B3GALNT2: variants seen among roughly 807,000 people sequenced by gnomAD.
B3GALNT2 encodes UDP-GalNAc:beta-1,3-N-acetylgalactosaminyltransferase 2.
B3GALNT2 carries 53 observed loss-of-function variants against 61.1 expected under a neutral mutation model. The observed-to-expected ratio is 0.87, with a 90% CI of 0.70 to 1.09. The LOEUF is 1.09. Ranked by LOEUF, B3GALNT2 falls within the 50% of genes least tolerant of loss-of-function variation. B3GALNT2 has a pLI of 0.00. For synonymous variants in B3GALNT2, 223 were observed against 237.4 expected (o/e 0.94, Z 0.56); for missense variants, 544 against 623.0 (o/e 0.87, Z 1.35).
the B3GALNT2 span, among the ~76,000 whole-genome samples, chr1:235,440,250 G>T: frequency 2.0e-5 from 3 of 152,142 alleles, no homozygotes; most frequent in East Asian, 1.9e-4. Flanking sequence ...GATTACAGGC[G>T]TGAGCCACCG....
At position 235,448,214 on chromosome 1, in the gene B3GALNT2, C is replaced by T; in HGVS notation, c.*1992G>A. On this transcript the variant is annotated 3_prime_UTR_variant, in exon 12 of 12. Transcript: ENST00000366600. ...GACTTACTTAAGTAAGTAAGTAAGT[C>T]AGTCTCAAAAAAAAAAAAAAAAAAA... The T allele has an allele frequency of 1.5e-6, 1 of 686,074 alleles. No individual in the cohort carries two copies. The highest frequency in any genetic ancestry group is 1.6e-5 in the South Asian group (1 of 62,772). 42.5% of individuals were successfully genotyped at this position (686,074 alleles called of 1,614,324 possible).
At chr1:235,455,509 A>C (rs747696657) in intron 9 of B3GALNT2, 50 bp downstream of exon 9, 1 of 1,560,776 alleles carries the variant, frequency 6.4e-7, no homozygotes, top group African/African-American at 1.4e-5. Context: ...TTTATTAATT[A>C]CATTTGATCA....
At chr1:235,477,326 A>T (rs1245134680) in intron 5 of B3GALNT2, among the ~76,000 whole-genome samples, 1 of 152,184 alleles carries the variant, frequency 6.6e-6, no homozygotes, top group African/African-American at 2.4e-5. Context: ...TTGTTGGATC[A>T]CTTAAAAATA....
chr1:235,470,575 CAAAAAA>C (rs35802636), intron 6 of B3GALNT2, among the ~76,000 whole-genome samples: 1 of 118,410 alleles, frequency 8.4e-6, no homozygotes, highest in African/African-American at 3.1e-5. Flanking sequence ...GAGACCCTCT[CAAAAAA>C]AAAAAAAAAA....
intron 10 of B3GALNT2, 79 bp from the exon 11 acceptor site, chr1:235,453,225 A>G (rs1401621083): frequency 4.5e-6 from 6 of 1,340,038 alleles, no homozygotes; most frequent in Non-Finnish European, 6.4e-6. Flanking sequence ...AGCCACTCCC[A>G]TCATAAACCA....
In B3GALNT2 at chr1:235,454,272, C is replaced by G. The variant is rs1434994601; in HGVS notation, c.1195G>C (p.Glu399Gln). The change falls in exon 10 of 12, where the codon GAG becomes CAG. Residue 399 changes from glutamate to glutamine, a missense_variant. Transcript: ENST00000366600. ...TAAGCGGGGCTCGGGTACTCCAACT[C>G]CTGCCACTTTCCGGTTCGGTCAACT... Reference protein sequence around the residue: ...WAVDRTGKWQELEYPSPAYPA... With the variant: ...WAVDRTGKWQQLEYPSPAYPA... 2 of 1,613,414 alleles carry G rather than the reference C, an allele frequency of 1.2e-6. No homozygotes were observed.
At chr1:235,465,519 A>G (rs755072997) in intron 7 of B3GALNT2, 117 bp downstream of exon 7, 61 of 1,452,448 alleles carry the variant, frequency 4.2e-5, no homozygotes, top group Non-Finnish European at 5.5e-5. Context: ...AAAAGGGTGA[A>G]TTTTATCTGA....
chr1:235,451,306 G>C (rs1572476555), intron 11 of B3GALNT2: 1 of 152,176 alleles, frequency 6.6e-6, no homozygotes, highest in Non-Finnish European at 1.5e-5. Context: ...GTCTGGGGCT[G>C]GTAGTCAGTC....
At chr1:235,455,771 C>G (rs1055687668) in intron 8 of B3GALNT2, 87 bp from the exon 9 acceptor site, 9 of 1,397,092 alleles carry the variant, frequency 6.4e-6, no homozygotes, top group Admixed American at 6.4e-5. Context: ...TCATTCAAAA[C>G]TGTACCTGTC....
At chr1:235,499,872 CT>C (rs1685507105) in intron 1 of B3GALNT2, among the ~76,000 whole-genome samples, 1 of 152,094 alleles carries the variant, frequency 6.6e-6, no homozygotes, top group Admixed American at 6.6e-5. Context: ...TTCTTATGAC[CT>C]TTAATAAAAG....
At chr1:235,467,997 C>T (rs1198971405) in intron 6 of B3GALNT2, among the ~76,000 whole-genome samples, 3 of 152,126 alleles carry the variant, frequency 2.0e-5, no homozygotes, top group Non-Finnish European at 4.4e-5. Context: ...TCAGGCTGGT[C>T]TCGAACTCCT....
In B3GALNT2 at chr1:235,448,495, A is replaced by ACAT. The variant is rs1682629741; in HGVS notation, c.*1708_*1710dup. The stretch of plus-strand genomic sequence containing the variant: ...AGTCAAGCTTAGTCCTCGTATTATG[A>ACAT]CATTAAACTGTCTCTAGATAGCAAC... On this transcript the variant is annotated 3_prime_UTR_variant, in exon 12 of 12. Coordinates refer to ENST00000366600, the MANE Select transcript of B3GALNT2 (RefSeq NM_152490.5). The ACAT allele has an allele frequency of 6.5e-7, 1 of 1,535,774 alleles. No homozygotes were observed.
chr1:235,459,250 AAAGTT>A (rs768664651), intron 7 of B3GALNT2, among the ~76,000 whole-genome samples: 2 of 152,250 alleles, frequency 1.3e-5, no homozygotes, highest in African/African-American at 2.4e-5. Flanking sequence ...ATGAAAAAAT[AAAGTT>A]GAGTGAAAAT....
rs185791529 is a variant in B3GALNT2, at chr1:235,450,160, A to G, written c.*46T>C. The G allele has an allele frequency of 1.5e-5, 24 of 1,609,006 alleles. No individual in the cohort carries two copies. In the African/African-American group the frequency reaches 2.4e-4, roughly 16 times the overall value. On this transcript the variant is annotated 3_prime_UTR_variant, in exon 12 of 12. Coordinates refer to ENST00000366600, the MANE Select transcript of B3GALNT2 (RefSeq NM_152490.5). The stretch of plus-strand genomic sequence containing the variant: ...GACTCCTCAGACTTGCACTCAGATT[A>G]TCGTTTGCCTGCCCTGATTTTAGAC...
chr1:235,477,180 C>A (rs1395336995), intron 5 of B3GALNT2, among the ~76,000 whole-genome samples: 1 of 152,118 alleles, frequency 6.6e-6, no homozygotes, highest in African/African-American at 2.4e-5. Context: ...ACCCCTCTCC[C>A]CCAACCCAAT....
chr1:235,500,354 G>A (rs1244389153), intron 1 of B3GALNT2, among the ~76,000 whole-genome samples: 1 of 152,154 alleles, frequency 6.6e-6, no homozygotes, highest in African/African-American at 2.4e-5. Flanking sequence ...TTAGCTGGGT[G>A]TGGTGGCACA....
intron 1 of B3GALNT2, chr1:235,496,255 G>T: frequency 5.8e-6 from 2 of 345,814 alleles, no homozygotes; most frequent in Non-Finnish European, 9.6e-6. Flanking sequence ...AGGTTGGGGT[G>T]AGCCGAGACC....
chr1:235,486,020 G>A (rs1160843322), intron 3 of B3GALNT2, among the ~76,000 whole-genome samples: 2 of 152,142 alleles, frequency 1.3e-5, no homozygotes, highest in South Asian at 2.1e-4. Flanking sequence ...GAGCCTGGGA[G>A]GAAGAGGCTG....
Position 235,504,449 on chromosome 1 carries a change from G to C in B3GALNT2, c.-197C>G, listed in dbSNP as rs962474472. The stretch of plus-strand genomic sequence containing the variant: ...GTCCCTCAGACCGCGGGTGGCCGCG[G>C]CTTAGCCGGCCGAAGCCCCGCCCCC... On this transcript the variant is annotated 5_prime_UTR_variant, in exon 1 of 12. Transcript: ENST00000366600. The C allele has an allele frequency of 2.3e-5, 12 of 512,412 alleles. No homozygotes were observed. In the East Asian group the frequency reaches 3.2e-4, roughly 14 times the overall value. 31.7% of individuals were successfully genotyped at this position (512,412 alleles called of 1,614,324 possible). A position where few individuals can be genotyped will look rare whatever the true frequency, so the allele number is the denominator to read the frequency against.
Sources: gnomAD v4.1 joint callset for allele counts (sites outside exome capture counted in the v4.1 genomes callset) on GRCh38, gnomAD v4.1.1 for gene constraint, MANE v1.5 for transcripts, NCBI Gene and HGNC (gene_info 2026-07-23, HGNC 2026-07-21) for gene names.